NIPSNAP3B: variants seen among roughly 807,000 people sequenced by gnomAD.
NIPSNAP3B encodes the protein protein NipSnap homolog 3B.
A neutral mutation model predicts 31.5 loss-of-function variants in NIPSNAP3B; 30 were observed. The observed-to-expected ratio is 0.95, with a 90% CI of 0.71 to 1.29. The LOEUF (loss-of-function observed/expected upper bound fraction) is 1.29, where lower values mean the gene tolerates loss of function less well. NIPSNAP3B is among the 50% of genes most tolerant of loss of function. The pLI is 0.00. For missense variants in NIPSNAP3B, 269 were observed against 300.7 expected (o/e 0.89, Z 0.78); for synonymous variants, 106 against 107.9 (o/e 0.98, Z 0.11).
intron 3 of NIPSNAP3B, among the ~76,000 whole-genome samples, chr9:104,769,287 C>T (rs12555634): frequency 6.6e-6 from 1 of 151,868 alleles, no homozygotes; most frequent in Non-Finnish European, 1.5e-5. Flanking sequence ...AGCCCCATCT[C>T]TACCAAAAAT....
At position 104,770,977 on chromosome 9, in the gene NIPSNAP3B, GA is replaced by G. The variant is rs752464863; in HGVS notation, c.561del (p.Glu187AspfsTer44). 6.2e-7 allele frequency: 1 copy of G among 1,613,892 alleles called. No individual in the cohort carries two copies. Among genetic ancestry groups the G allele is most frequent in the South Asian group, 1.1e-5 (1 of 91,074 alleles). On this transcript the variant is annotated frameshift_variant, in exon 4 of 6. Transcript: ENST00000374762. LOFTEE classifies it high-confidence loss of function. ...AAAAGTAGTTGGTGTTTTCCACACA[GA>G]ATATGGAGAACTCAACAGAGGTACA... ...YTKVVGVFHT[E>X]YGELNRVHVL...
At chr9:104,784,668 G>A in the NIPSNAP3B span, among the ~76,000 whole-genome samples, 2 of 152,146 alleles carry the variant, frequency 1.3e-5, no homozygotes, top group Non-Finnish European at 2.9e-5. Context: ...CCCTTGAAAT[G>A]GGGTCTTGCT....
chr9:104,766,823 G>C (rs966642612), intron 2 of NIPSNAP3B, among the ~76,000 whole-genome samples: 1 of 151,958 alleles, frequency 6.6e-6, no homozygotes, highest in African/African-American at 2.4e-5. Context: ...TGTTAGAATC[G>C]TTTGCTATAA....
At chr9:104,788,366 T>C in the NIPSNAP3B span, 2 of 1,604,378 alleles carry the variant, frequency 1.2e-6, no homozygotes, top group Non-Finnish European at 1.7e-6. Flanking sequence ...GGAAAAGCCA[T>C]AAGGTATATA....
downstream of NIPSNAP3B, among the ~76,000 whole-genome samples, chr9:104,777,921 G>T (rs1828370763): frequency 6.6e-6 from 1 of 152,156 alleles, no homozygotes; most frequent in Non-Finnish European, 1.5e-5. Flanking sequence ...AGGTCACCAA[G>T]GACCTCTGTC....
At chr9:104,767,085 G>A (rs1235178006) in intron 2 of NIPSNAP3B, among the ~76,000 whole-genome samples, 1 of 151,256 alleles carries the variant, frequency 6.6e-6, no homozygotes, top group African/African-American at 2.4e-5. Context: ...TCTTATTATT[G>A]TTACAGCTAG....
the NIPSNAP3B span, chr9:104,788,389 C>T: frequency 1.2e-6 from 2 of 1,613,828 alleles, no homozygotes; most frequent in East Asian, 4.5e-5. Context: ...GTCAGGATGC[C>T]AAAGGAGACA....
Position 104,769,035 on chromosome 9 carries a change from T to C in NIPSNAP3B, c.430+14T>C, listed in dbSNP as rs1424615018. On this transcript the variant is annotated intron_variant, in intron 3 of 5. Transcript: ENST00000374762. Reference sequence around the variant, plus strand: ...CTCCAAAAGAAGGTGAGTTCTTCCCTCTTAGACTATGAGTTTTAATGAGTA... The same window carrying C: ...CTCCAAAAGAAGGTGAGTTCTTCCCCCTTAGACTATGAGTTTTAATGAGTA... 2 of 1,600,482 alleles carry C rather than the reference T, an allele frequency of 1.2e-6. No individual in the cohort carries two copies. The highest frequency in any genetic ancestry group is 1.4e-5 in the African/African-American group (1 of 73,988).
chr9:104,772,738 A>G, intron 4 of NIPSNAP3B, 84 bp from the exon 5 acceptor site: 1 of 1,460,642 alleles, frequency 6.8e-7, no homozygotes, highest in Admixed American at 2.0e-5. Context: ...AAAGAATAAG[A>G]CAACATTTCT....
chr9:104,769,085 AAGAGT>A (rs1314487237), intron 3 of NIPSNAP3B, 64 bp downstream of exon 3: 2 of 1,220,120 alleles, frequency 1.6e-6, no homozygotes, highest in African/African-American at 3.1e-5. Flanking sequence ...TAAAGTTATA[AAGAGT>A]AAAGTTCTAT....
intron 4 of NIPSNAP3B, chr9:104,771,213 GTTTT>G: frequency 4.6e-6 from 2 of 436,846 alleles, no homozygotes; most frequent in Non-Finnish European, 8.1e-6. Context: ...ACTGGTGTTT[GTTTT>G]TTAACTTTTA....
chr9:104,782,932 G>A, the NIPSNAP3B span: 1 of 152,196 alleles, frequency 6.6e-6, no homozygotes, highest in African/African-American at 2.4e-5. Flanking sequence ...AAACCAGTGA[G>A]CTGAATAACA....
chr9:104,768,576 G>A (rs1269883186), intron 2 of NIPSNAP3B, among the ~76,000 whole-genome samples: 1 of 152,198 alleles, frequency 6.6e-6, no homozygotes, highest in Non-Finnish European at 1.5e-5. Flanking sequence ...CTGAGGCACA[G>A]AAAGATTGAA....
rs1828362467 is a variant in NIPSNAP3B, at chr9:104,777,577, G to T, written c.*4504G>T. ...GGAAGTTTTTGAATCACAGGCTTCT[G>T]CCTTGAAAGGGCAAGTCCGTGGTGG... On this transcript the variant is annotated 3_prime_UTR_variant, in exon 6 of 6. Transcript: ENST00000374762. The T allele has an allele frequency of 6.6e-6, 1 of 152,234 alleles. No individual in the cohort carries two copies. The highest frequency in any genetic ancestry group is 2.1e-4 in the South Asian group (1 of 4,834). 9.4% of individuals were successfully genotyped at this position (152,234 alleles called of 1,614,324 possible).
chr9:104,785,661 C>T, the NIPSNAP3B span: 1 of 1,613,432 alleles, frequency 6.2e-7, no homozygotes, highest in Non-Finnish European at 8.5e-7. Context: ...AAAAAATACC[C>T]AAATGGAGGA....
chr9:104,782,543 T>A (rs1054073880), downstream of NIPSNAP3B: 1 of 152,158 alleles, frequency 6.6e-6, no homozygotes, highest in African/African-American at 2.4e-5. Context: ...GAAACAGTAT[T>A]TTTACAAATG....
chr9:104,779,959 G>A (rs1225938352), downstream of NIPSNAP3B, among the ~76,000 whole-genome samples: 1 of 152,174 alleles, frequency 6.6e-6, no homozygotes, highest in Non-Finnish European at 1.5e-5. Context: ...CCCGGGAGGC[G>A]GAGGTTGCAG....
chr9:104,784,196 G>A, the NIPSNAP3B span: 1 of 1,280,146 alleles, frequency 7.8e-7, no homozygotes, highest in Non-Finnish European at 1.1e-6. Context: ...TATCAGTACA[G>A]TATCCAGTTT....
intron 4 of NIPSNAP3B, among the ~76,000 whole-genome samples, chr9:104,772,377 T>C (rs1462063789): frequency 6.6e-6 from 1 of 152,162 alleles, no homozygotes; most frequent in Admixed American, 6.5e-5. Flanking sequence ...CTAAGTATAA[T>C]ATACACTAAG....
Sources: gnomAD v4.1 joint callset for allele counts (sites outside exome capture counted in the v4.1 genomes callset) on GRCh38, gnomAD v4.1.1 for gene constraint, MANE v1.5 for transcripts, NCBI Gene and HGNC (gene_info 2026-07-23, HGNC 2026-07-21) for gene names.